Variants in NKPD1 observed in about 807,000 individuals in gnomAD.
The protein encoded by NKPD1 is NTPase KAP family P-loop domain containing 1, also known as NTPase KAP family P-loop domain-containing protein 1.
Under a neutral mutation model 42.2 loss-of-function variants are expected in NKPD1, and 37 were observed. The ratio of observed to expected loss-of-function variants is 0.88; its 90% CI spans 0.67 to 1.15. The LOEUF is 1.15. NKPD1 is among the 50% of genes most tolerant of loss of function. The pLI is 0.00. For synonymous variants in NKPD1, 552 were observed against 536.5 expected, an observed-to-expected ratio of 1.03 and a Z score of -0.40; for missense variants, 1,113 against 1,174.6, an observed-to-expected ratio of 0.95 and a Z score of 0.77.
chr19:45,153,622 C>A lies in NKPD1; in HGVS notation c.815G>T (p.Arg272Met). ...GCGGATGAAAAGGAACTGCACGTTC[C>A]TGCGCCGCAGGTGCACCTCGGTGAT... is the stretch of plus-strand genomic sequence containing the variant. ...PIITEVHLRR[R>M]NVQFLFIRFS... The change falls in exon 5 of 5, where the codon AGG (arginine) becomes ATG (methionine). Residue 272 changes from arginine to methionine, a missense_variant. Physicochemically the swap from Arg to Met is moderately conservative, Grantham distance 91 (BLOSUM62 -1). This residue lies in a region of NKPD1 where 867 missense variants were observed against 870.1 expected (regional missense o/e 1.00). Transcript: ENST00000686631. 6.3e-7 allele frequency: 1 copy of A among 1,581,316 alleles called. No individual in the cohort carries two copies. Among genetic ancestry groups the A allele is most frequent in the Non-Finnish European group, 8.6e-7 (1 of 1,162,496 alleles).
chr19:45,154,858 C>T (rs112611058), intron 4 of NKPD1, among the ~76,000 whole-genome samples: 1 of 151,866 alleles, frequency 6.6e-6, no homozygotes, highest in Non-Finnish European at 1.5e-5. Context: ...AACCCCATCG[C>T]TACTAAAAAT....
chr19:45,155,877 G>T lies in NKPD1; in HGVS notation c.569C>A (p.Ala190Asp), dbSNP rs781178037. Reference sequence around the variant, plus strand: ...GACCGGCACGTGGCAGAGTGTCTTGGCCAGGCAGCTGCAGTAGACGTCATC... The same window carrying T: ...GACCGGCACGTGGCAGAGTGTCTTGTCCAGGCAGCTGCAGTAGACGTCATC... The part of the protein sequence containing the change: ...TEDDVYCSCL[A>D]KTLCHVPVPV... Residue 190 changes from alanine (A) to aspartate (D), a missense_variant, in exon 4 of 5, where the codon GCC (alanine) becomes GAC (aspartate). Transcript: ENST00000686631. 10 of 1,305,354 alleles carry T rather than the reference G, an allele frequency of 7.7e-6. No homozygotes were observed. Among genetic ancestry groups the T allele is most frequent in the Non-Finnish European group, 1.0e-5 (10 of 988,892 alleles). 80.9% of individuals were successfully genotyped at this position (1,305,354 alleles called of 1,614,324 possible).
In NKPD1 at chr19:45,151,760, C is replaced by T. The variant is rs563805868; in HGVS notation, c.*178G>A. On this transcript the variant is annotated 3_prime_UTR_variant, in exon 5 of 5. Transcript: ENST00000686631. ...TCTGTGCCTGCTCTCATGCTGGCAC[C>T]GGCTTGTGGCCGCACTCCTTGGAAG... The T allele has an allele frequency of 1.4e-4, 84 of 584,584 alleles. 1 individual carries two copies. Among genetic ancestry groups the T allele is most frequent in the Non-Finnish European group, 5.0e-5 (18 of 356,900 alleles). The allele number at this position is 584,584 out of a possible 1,614,324, so 36.2% of individuals were successfully genotyped here.
At chr19:45,155,746 T>A (rs772850254) in intron 4 of NKPD1, 39 bp downstream of exon 4, 1 of 1,280,624 alleles carries the variant, frequency 7.8e-7, no homozygotes, top group South Asian at 1.3e-5. Flanking sequence ...GAGGCCCTGT[T>A]TCTCATCCTC....
intron 4 of NKPD1, among the ~76,000 whole-genome samples, chr19:45,155,522 G>A (rs1968885748): frequency 6.6e-6 from 1 of 152,260 alleles, no homozygotes; most frequent in African/African-American, 2.4e-5. Flanking sequence ...AAGGCACCAA[G>A]CACAGGAGGG....
Position 45,153,267 on chromosome 19 carries a change from C to T in NKPD1, c.1170G>A (p.Ser390=), listed in dbSNP as rs771369898. Residue 390 remains serine, a synonymous_variant, in exon 5 of 5, where the codon TCG becomes TCA. Transcript: ENST00000686631. ...CCGAGTACACGGCCATGAGCAGCCC[C>T]GAGCCCGACAGTGTGGTGGCCGCGC... ...FGGAATTLSG[S]GLLMAVYSVG... The T allele has an allele frequency of 4.9e-5, 79 of 1,601,570 alleles. No homozygotes were observed. The highest frequency in any genetic ancestry group is 6.1e-5 in the Non-Finnish European group (72 of 1,175,100).
chr19:45,153,183 T>C lies in NKPD1; in HGVS notation c.1254A>G (p.Glu418=), dbSNP rs1241635366. 4 of 1,584,318 alleles carry C rather than the reference T, an allele frequency of 2.5e-6. No individual in the cohort carries two copies. In the South Asian group the frequency reaches 4.6e-5, roughly 18 times the overall value. ...RKKIERLVSR[E]KFGSQLGFMC... Reference sequence around the variant, plus strand: ...TGAAACCCAGCTGGCTGCCGAACTTTTCACGCGACACCAGCCGCTCGATCT... The same window carrying C: ...TGAAACCCAGCTGGCTGCCGAACTTCTCACGCGACACCAGCCGCTCGATCT... Residue 418 remains glutamate, a synonymous_variant, in exon 5 of 5, where the codon GAA becomes GAG. Transcript: ENST00000686631.
rs28469095 is a variant in NKPD1, at chr19:45,152,075, T to C, written c.2362A>G (p.Arg788Gly). Residue 788 changes from arginine (R) to glycine (G), a missense_variant, in exon 5 of 5, where the codon AGG (arginine) becomes GGG (glycine). By Grantham distance (125) the Arg-to-Gly change is moderately radical (BLOSUM62 -2). Coordinates refer to ENST00000686631, the MANE Select transcript of NKPD1 (RefSeq NM_198478.4). The part of the protein sequence containing the change: ...HAAHRANSAS[R>G]APPSGRASGQ... ...GAGGCACGGCCCGACGGGGGCGCCC[T>C]GGAGGCGCTGTTGGCCCGGTGGGCA... 155,263 of 1,606,390 alleles carry C rather than the reference T, an allele frequency of 0.097. 8,154 individuals carry two copies. The highest frequency in any genetic ancestry group is 0.14 in the South Asian group (12,436 of 90,356).
At position 45,152,021 on chromosome 19, in the gene NKPD1, C is replaced by T. The variant is rs1236530014; in HGVS notation, c.2416G>A (p.Gly806Arg). 3 of 1,610,650 alleles carry T rather than the reference C, an allele frequency of 1.9e-6. No individual in the cohort carries two copies. Among genetic ancestry groups the T allele is most frequent in the Non-Finnish European group, 2.5e-6 (3 of 1,178,924 alleles). Residue 806 changes from glycine to arginine, a missense_variant, in exon 5 of 5, where the codon GGG becomes AGG. This residue lies in a region of NKPD1 where 867 missense variants were observed against 870.1 expected (regional missense o/e 1.00). Transcript: ENST00000686631. ...SGQAGEGHHTGDLAHRGKLWP... is the reference protein window; with the variant it reads ...SGQAGEGHHTRDLAHRGKLWP... ...AGCTTGCCCCTGTGGGCCAAGTCCCCAGTGTGGTGGCCTTCGCCGGCTTGC... is the reference window on the plus strand; with the variant it reads ...AGCTTGCCCCTGTGGGCCAAGTCCCTAGTGTGGTGGCCTTCGCCGGCTTGC...
chr19:45,158,843 G>C lies in NKPD1; in HGVS notation c.349C>G (p.Pro117Ala). The change falls in exon 3 of 5, where the codon CCC becomes GCC. Residue 117 changes from proline (P) to alanine (A), a missense_variant. Physicochemically the swap from Pro to Ala is conservative, Grantham distance 27. Transcript: ENST00000686631. The surrounding 1 kb of genome is among the most constrained non-coding windows in gnomAD (Gnocchi z 4.6). ...TGAGGGGCGCTGGCAGGTTCCTTGG[G>C]GACAGTGGAGGTTGCAGGCAGCCCC... Reference protein sequence around the residue: ...QKGLPATSTVPKEPASAPQAP... With the variant: ...QKGLPATSTVAKEPASAPQAP... 7.8e-7 allele frequency: 1 copy of C among 1,282,924 alleles called. No homozygotes were observed. Among genetic ancestry groups the C allele is most frequent in the Non-Finnish European group, 1.0e-6 (1 of 978,852 alleles). 79.5% of individuals were successfully genotyped at this position (1,282,924 alleles called of 1,614,324 possible).
Position 45,152,840 on chromosome 19 carries a change from C to T in NKPD1, c.1597G>A (p.Gly533Ser). Reference sequence around the variant, plus strand: ...AGGAACTGCAGCTTGGTGCGGCGGCCCATAATGGGCACAGAGAAGGGCAGC... The same window carrying T: ...AGGAACTGCAGCTTGGTGCGGCGGCTCATAATGGGCACAGAGAAGGGCAGC... ...VTLPFSVPIM[G>S]RRTKLQFLHD... Residue 533 changes from glycine (G) to serine (S), a missense_variant, in exon 5 of 5, where the codon GGC becomes AGC. Coordinates refer to ENST00000686631, the MANE Select transcript of NKPD1 (RefSeq NM_198478.4). 1 of 1,593,978 alleles carries T rather than the reference C, an allele frequency of 6.3e-7. No individual in the cohort carries two copies. Among genetic ancestry groups the T allele is most frequent in the Non-Finnish European group, 8.6e-7 (1 of 1,167,636 alleles).
chr19:45,155,384 A>G lies in NKPD1; in HGVS notation c.661+401T>C, dbSNP rs560107608. On this transcript the variant is annotated intron_variant, in intron 4 of 4. Transcript: ENST00000686631. ...TGTCTTCAGTTGGCATCTATGTATC[A>G]GGTACTTTGTGACCACCAAGCCTTA... 4.6e-5 allele frequency among the ~76,000 whole-genome samples: 7 copies of G among 151,926 alleles called. No homozygotes were observed. The East Asian group carries it at 1.4e-3, about 29-fold the overall frequency.
At position 45,153,194 on chromosome 19, in the gene NKPD1, C is replaced by A; in HGVS notation, c.1243G>T (p.Val415Leu). ...TGGCTGCCGAACTTTTCACGCGACA[C>A]CAGCCGCTCGATCTTCTTGCGCTGG... ...VSQRKKIERLVSREKFGSQLG... is the reference protein window; with the variant it reads ...VSQRKKIERLLSREKFGSQLG... The change falls in exon 5 of 5, where the codon GTG becomes TTG. Residue 415 changes from valine (V) to leucine (L), a missense_variant. Physicochemically the swap from Val to Leu is conservative, Grantham distance 32 (BLOSUM62 1). Transcript: ENST00000686631. 6.3e-7 allele frequency: 1 copy of A among 1,587,738 alleles called. No individual in the cohort carries two copies. The highest frequency in any genetic ancestry group is 8.6e-7 in the Non-Finnish European group (1 of 1,167,782).
rs1968891560 is a variant in NKPD1 at position 45,155,806 on chromosome 19, T to C, written c.640A>G (p.Met214Val). 1.5e-6 allele frequency: 2 copies of C among 1,305,120 alleles called. No individual in the cohort carries two copies. Among genetic ancestry groups the C allele is most frequent in the East Asian group, 5.5e-5 (1 of 18,024 alleles). 80.8% of individuals were successfully genotyped at this position (1,305,120 alleles called of 1,614,324 possible). Residue 214 changes from methionine to valine, a missense_variant, in exon 4 of 5, where the codon ATG becomes GTG. Physicochemically the swap from Met to Val is conservative, Grantham distance 21. Coordinates refer to ENST00000686631, the MANE Select transcript of NKPD1 (RefSeq NM_198478.4). ...FYAPFGCRLH[M>V]MLDKITALMQ... ...TCACCCGTGATCTTGTCCAGCATCA[T>C]GTGCAGGCGGCAGCCGAAAGGGGCA...
chr19:45,151,950 TG>T lies in NKPD1; in HGVS notation c.2486del (p.Pro829GlnfsTer47). On this transcript the variant is annotated frameshift_variant, in exon 5 of 5. Transcript: ENST00000686631. LOFTEE classifies it high-confidence loss of function. Reference sequence around the variant, plus strand: ...CCAAGTCCTCCATTTAAGGCCCACCTGGGCTGGATTGCCCTGGACGGAAGAG... The same window carrying T: ...CCAAGTCCTCCATTTAAGGCCCACCTGGCTGGATTGCCCTGGACGGAAGAG... Reference protein sequence around the residue: ...CALFRPGQSSPGGP With the variant: ...CALFRPGQSSXGGP 1 of 1,565,888 alleles carries T rather than the reference TG, an allele frequency of 6.4e-7. No homozygotes were observed. Among genetic ancestry groups the T allele is most frequent in the Non-Finnish European group, 8.7e-7 (1 of 1,151,730 alleles).
chr19:45,159,175 T>A, intron 2 of NKPD1, 75 bp from the exon 3 acceptor site: 5 of 1,215,544 alleles, frequency 4.1e-6, no homozygotes, highest in Non-Finnish European at 5.2e-6. Flanking sequence ...CCAGACCAAG[T>A]CTTCAGGTAG....
rs1380368901 is a variant in NKPD1, at chr19:45,155,008, G to A, written c.661+777C>T. On this transcript the variant is annotated intron_variant, in intron 4 of 4. Coordinates refer to ENST00000686631, the MANE Select transcript of NKPD1 (RefSeq NM_198478.4). ...CCACTGCAGTACAGCCTGGGCGACA[G>A]AGTGAGACTCCATTTAAAAAAAAAA... 3.2e-4 allele frequency among the ~76,000 whole-genome samples: 40 copies of A among 124,756 alleles called. No homozygotes were observed. In the Admixed American group the frequency reaches 3.4e-3, roughly 11 times the overall value. 81.8% of individuals were successfully genotyped at this position (124,756 alleles called of 152,430 possible).
At chr19:45,162,564 G>A (rs1482310400), upstream of NKPD1, among the ~76,000 whole-genome samples, 2 of 152,078 alleles carry the variant, frequency 1.3e-5, no homozygotes, top group Non-Finnish European at 2.9e-5. Flanking sequence ...GAGTGCGTAG[G>A]GGCCGCGTGT....
rs117540719 is a variant in NKPD1, at chr19:45,151,683, C to T, written c.*255G>A. ...TCAGGATGCGGAGAGCAACTCCGGG[C>T]TCTCAACACCTCCATTTATTGCATG... On this transcript the variant is annotated 3_prime_UTR_variant, in exon 5 of 5. Coordinates refer to ENST00000686631, the MANE Select transcript of NKPD1 (RefSeq NM_198478.4). 858 of 448,054 alleles carry T rather than the reference C, an allele frequency of 1.9e-3. 17 individuals are homozygous for T. The East Asian group carries it at 0.029, about 15-fold the overall frequency. 27.8% of individuals were successfully genotyped at this position (448,054 alleles called of 1,614,324 possible).
Sources: allele counts gnomAD v4.1 joint callset (sites outside exome capture counted in the v4.1 genomes callset), GRCh38; gene constraint gnomAD v4.1.1; regional missense constraint gnomAD v4.1.1; non-coding constraint Gnocchi (gnomAD v3.1); transcripts MANE v1.5; gene names NCBI Gene and HGNC (gene_info 2026-07-23, HGNC 2026-07-21).